Variants in CCDC85A observed in about 807,000 individuals in gnomAD.
CCDC85A encodes coiled-coil domain containing 85A.
A neutral mutation model predicts 50.2 loss-of-function variants in CCDC85A; 38 were observed. That is an observed-to-expected ratio of 0.76 (90% CI 0.58 to 0.99). The LOEUF (loss-of-function observed/expected upper bound fraction) is 0.99. Ranked by LOEUF, CCDC85A falls within the 50% of genes least tolerant of loss-of-function variation. The pLI is 0.00. For missense variants in CCDC85A, 820 were observed against 742.0 expected, an observed-to-expected ratio of 1.11 and a Z score of -1.22; for synonymous variants, 366 against 301.4, an observed-to-expected ratio of 1.21 and a Z score of -2.22.
intron 2 of CCDC85A, among the ~76,000 whole-genome samples, chr2:56,263,439 A>G (rs188056378): frequency 4.5e-4 from 69 of 152,308 alleles, no homozygotes; most frequent in Non-Finnish European, 6.0e-4. Flanking sequence ...CAGAGCCTCA[A>G]ACTTCCAGAG....
intron 2 of CCDC85A, among the ~76,000 whole-genome samples, chr2:56,220,579 A>G (rs1668282397): frequency 6.6e-6 from 1 of 152,066 alleles, no homozygotes; most frequent in Non-Finnish European, 1.5e-5. Flanking sequence ...ATCACTCAGT[A>G]TTCCGTAAAT....
intron 2 of CCDC85A, among the ~76,000 whole-genome samples, chr2:56,220,825 C>A (rs772080304): frequency 5.9e-5 from 9 of 151,934 alleles, no homozygotes; most frequent in Non-Finnish European, 1.2e-4. Context: ...TCTCTTTTGT[C>A]TCCTCATTAC....
At chr2:56,306,228 C>T (rs1558633075) in intron 2 of CCDC85A, among the ~76,000 whole-genome samples, 1 of 152,104 alleles carries the variant, frequency 6.6e-6, no homozygotes, top group African/African-American at 2.4e-5. Context: ...CTCCCGGGTT[C>T]AAGCGATTCT....
intron 3 of CCDC85A, among the ~76,000 whole-genome samples, chr2:56,353,254 G>A (rs1165518679): frequency 6.6e-6 from 1 of 152,208 alleles, no homozygotes; most frequent in Admixed American, 6.5e-5. Context: ...AGTCTAATCA[G>A]TGTTGGTTTT....
At chr2:56,212,110 C>A (rs921645860) in intron 2 of CCDC85A, among the ~76,000 whole-genome samples, 2 of 152,088 alleles carry the variant, frequency 1.3e-5, no homozygotes, top group African/African-American at 2.4e-5. Context: ...TCATAACTGG[C>A]TGCTTGCTTC....
At chr2:56,354,103 A>T (rs1439570728) in intron 3 of CCDC85A, among the ~76,000 whole-genome samples, 1 of 152,262 alleles carries the variant, frequency 6.6e-6, no homozygotes, top group East Asian at 1.9e-4. Flanking sequence ...ACTGCCTACA[A>T]TAAAAGGAGG....
At chr2:56,231,943 T>C (rs1266505874) in intron 2 of CCDC85A, among the ~76,000 whole-genome samples, 1 of 152,110 alleles carries the variant, frequency 6.6e-6, no homozygotes, top group African/African-American at 2.4e-5. Context: ...ATTCTGTCCC[T>C]GTAACACTTC....
chr2:56,238,137 A>T (rs2103957448), intron 2 of CCDC85A, among the ~76,000 whole-genome samples: 1 of 152,164 alleles, frequency 6.6e-6, no homozygotes, highest in Non-Finnish European at 1.5e-5. Context: ...ATAGTATAAA[A>T]GTGTGCAGTG....
chr2:56,291,286 A>G (rs1161153681), intron 2 of CCDC85A, among the ~76,000 whole-genome samples: 4 of 152,212 alleles, frequency 2.6e-5, no homozygotes, highest in Non-Finnish European at 5.9e-5. Flanking sequence ...CTATTAGTCA[A>G]TCAGCAAGTA....
chr2:56,184,312 C>T lies in CCDC85A; in HGVS notation c.-313C>T, dbSNP rs1675893929. The T allele has an allele frequency of 1.7e-5, 11 of 629,552 alleles. No individual in the cohort carries two copies. Among genetic ancestry groups the T allele is most frequent in the East Asian group, 6.3e-5 (1 of 15,916 alleles). 39.0% of individuals were successfully genotyped at this position (629,552 alleles called of 1,614,324 possible). Reference sequence around the variant, plus strand: ...GGCGGTGCAGCTCCCCCGCTGTCCCCGAGGATTTCCCGCGGCAGCCCCGGG... The same window carrying T: ...GGCGGTGCAGCTCCCCCGCTGTCCCTGAGGATTTCCCGCGGCAGCCCCGGG... On this transcript the variant is annotated 5_prime_UTR_variant, in exon 1 of 6. Transcript: ENST00000407595.
At chr2:56,291,646 C>A (rs1208717215) in intron 2 of CCDC85A, among the ~76,000 whole-genome samples, 2 of 152,044 alleles carry the variant, frequency 1.3e-5, no homozygotes, top group Non-Finnish European at 2.9e-5. Context: ...CTATCAGAGC[C>A]TGATGTGTTG....
intron 3 of CCDC85A, among the ~76,000 whole-genome samples, chr2:56,367,014 T>A (rs555149563): frequency 1.8e-4 from 27 of 152,338 alleles, no homozygotes; most frequent in African/African-American, 6.3e-4. Flanking sequence ...AATTTTATTC[T>A]TTCCTAATGT....
At chr2:56,313,866 A>G (rs1392628158) in intron 2 of CCDC85A, among the ~76,000 whole-genome samples, 1 of 151,992 alleles carries the variant, frequency 6.6e-6, no homozygotes, top group Non-Finnish European at 1.5e-5. Context: ...AGCAGAAGCT[A>G]TAAGAGGCAT....
At chr2:56,320,721 G>A (rs1673138050) in intron 2 of CCDC85A, among the ~76,000 whole-genome samples, 1 of 152,174 alleles carries the variant, frequency 6.6e-6, no homozygotes, top group Admixed American at 6.5e-5. Context: ...ACGAGGAGGA[G>A]CTGGTTCCAT....
chr2:56,368,208 G>A (rs1035673248), intron 3 of CCDC85A, among the ~76,000 whole-genome samples: 1 of 152,132 alleles, frequency 6.6e-6, no homozygotes, highest in African/African-American at 2.4e-5. Flanking sequence ...GCATTGAATA[G>A]ATTCTTTAGT....
chr2:56,204,319 C>T (rs1039763828), intron 2 of CCDC85A, among the ~76,000 whole-genome samples: 2 of 152,104 alleles, frequency 1.3e-5, no homozygotes, highest in Non-Finnish European at 2.9e-5. Flanking sequence ...GGAATAATAA[C>T]GACATATAAT....
chr2:56,306,757 C>G (rs961988197), intron 2 of CCDC85A, among the ~76,000 whole-genome samples: 1 of 152,228 alleles, frequency 6.6e-6, no homozygotes, highest in East Asian at 1.9e-4. Flanking sequence ...TGTTGAACCC[C>G]TACTATGTGC....
At chr2:56,244,569 T>C (rs918125772) in intron 2 of CCDC85A, among the ~76,000 whole-genome samples, 7 of 151,654 alleles carry the variant, frequency 4.6e-5, no homozygotes, top group Non-Finnish European at 1.0e-4. Flanking sequence ...CTACTGTGGA[T>C]AAGCTGGTAC....
At chr2:56,279,263 G>A (rs1671097893) in intron 2 of CCDC85A, among the ~76,000 whole-genome samples, 3 of 152,236 alleles carry the variant, frequency 2.0e-5, no homozygotes, top group South Asian at 4.1e-4. Flanking sequence ...AAAATTTTAT[G>A]GAGTTATAAT....
Sources: gnomAD v4.1 joint callset for allele counts (sites outside exome capture counted in the v4.1 genomes callset) on GRCh38, gnomAD v4.1.1 for gene constraint, MANE v1.5 for transcripts, NCBI Gene and HGNC (gene_info 2026-07-23, HGNC 2026-07-21) for gene names.